The following RNGTT variants were observed in gnomAD, a reference collection of about 807,000 sequenced individuals.
The protein encoded by RNGTT is mRNA-capping enzyme.
RNGTT carries 33 observed loss-of-function variants against 79.3 expected under a neutral mutation model. The observed-to-expected ratio is 0.42, with a 90% CI of 0.32 to 0.56. The LOEUF (loss-of-function observed/expected upper bound fraction) is 0.56, where lower values mean the gene tolerates loss of function less well. Ranked by LOEUF, RNGTT falls within the 20% of genes least tolerant of loss-of-function variation. The probability of loss-of-function intolerance (pLI) is 0.17; values close to 1 mark genes in which losing one functional copy is unlikely to be tolerated. For missense variants in RNGTT, 497 were observed against 739.1 expected (o/e 0.67, Z 3.80); for synonymous variants, 222 against 235.9 (o/e 0.94, Z 0.54).
Position 88,758,929 on chromosome 6 carries a change from G to A in RNGTT, c.1439+10845C>T, listed in dbSNP as rs149667790. On this transcript the variant is annotated intron_variant, in intron 13 of 15. Transcript: ENST00000369485. The stretch of plus-strand genomic sequence containing the variant: ...GTTCTGGGGTACATGTGCACAATGT[G>A]CAGGTTTGTTACATATGTATACATG... Among the ~76,000 whole-genome samples, 5 of 152,146 alleles carry A rather than the reference G, an allele frequency of 3.3e-5. No individual in the cohort carries two copies. In the East Asian group the frequency reaches 9.6e-4, roughly 29 times the overall value.
chr6:88,934,942 AT>A (rs1297553041), intron 2 of RNGTT, among the ~76,000 whole-genome samples: 1 of 152,062 alleles, frequency 6.6e-6, no homozygotes, highest in African/African-American at 2.4e-5. Context: ...ATATCATCCC[AT>A]TTGTCTATTG....
chr6:88,824,703 G>A (rs561079430), intron 11 of RNGTT, among the ~76,000 whole-genome samples: 14 of 150,014 alleles, frequency 9.3e-5, no homozygotes, highest in South Asian at 2.1e-4. Context: ...TAAACAAGAC[G>A]CCAACAAAAA....
chr6:88,697,775 G>T (rs551701402), intron 13 of RNGTT, among the ~76,000 whole-genome samples: 1 of 150,754 alleles, frequency 6.6e-6, no homozygotes, highest in East Asian at 1.9e-4. Flanking sequence ...GGAGGCTGAG[G>T]TGGAAGGATA....
At chr6:88,917,724 T>C (rs1018028000) in intron 4 of RNGTT, among the ~76,000 whole-genome samples, 5 of 150,844 alleles carry the variant, frequency 3.3e-5, no homozygotes, top group East Asian at 4.0e-4. Context: ...TCATCTCTAC[T>C]AAAAATAGAA....
At chr6:88,637,877 T>C (rs1274643430) in intron 14 of RNGTT, among the ~76,000 whole-genome samples, 2 of 152,080 alleles carry the variant, frequency 1.3e-5, no homozygotes, top group Non-Finnish European at 2.9e-5. Context: ...CTCCATACAA[T>C]TCAAAAAGTA....
intron 12 of RNGTT, among the ~76,000 whole-genome samples, chr6:88,798,441 G>A (rs1335714716): frequency 6.6e-6 from 1 of 151,560 alleles, no homozygotes; most frequent in Non-Finnish European, 1.5e-5. Context: ...CACCAGCCTG[G>A]GCAACAAAGT....
intron 13 of RNGTT, among the ~76,000 whole-genome samples, chr6:88,762,095 A>G (rs1391841179): frequency 2.0e-5 from 3 of 152,170 alleles, no homozygotes; most frequent in Non-Finnish European, 2.9e-5. Flanking sequence ...TGCAGTCCGT[A>G]AGTTAAATGG....
At chr6:88,735,948 G>GA (rs1389520266) in intron 13 of RNGTT, among the ~76,000 whole-genome samples, 1 of 151,756 alleles carries the variant, frequency 6.6e-6, no homozygotes, top group Non-Finnish European at 1.5e-5. Context: ...TAATCAAGAA[G>GA]AAAAAAACAG....
At chr6:88,630,825 A>AT (rs1337350719) in intron 14 of RNGTT, among the ~76,000 whole-genome samples, 1 of 151,574 alleles carries the variant, frequency 6.6e-6, no homozygotes, top group Non-Finnish European at 1.5e-5. Context: ...TTGCTTAAAT[A>AT]TTTTTTTAGA....
chr6:88,672,230 CAT>C (rs776793913), intron 14 of RNGTT, among the ~76,000 whole-genome samples: 24 of 149,944 alleles, frequency 1.6e-4, no homozygotes, highest in Non-Finnish European at 1.9e-4. Flanking sequence ...CACACACACA[CAT>C]ATATATACAC....
rs1216376295 is a variant in RNGTT at position 88,707,485 on chromosome 6, T to TA, written c.1440-29067dup. Among the ~76,000 whole-genome samples the TA allele has an allele frequency of 6.6e-5, 10 of 152,174 alleles. No individual in the cohort carries two copies. The South Asian group carries it at 1.5e-3, about 22-fold the overall frequency. ...TGCTATCTAGAAAAGATGTGAACAC[T>TA]ATTACACTTGGTTCTTTGTGCTTTC... On this transcript the variant is annotated intron_variant, in intron 13 of 15. Transcript: ENST00000369485.
At chr6:88,955,707 A>G (rs1785404325) in intron 1 of RNGTT, among the ~76,000 whole-genome samples, 1 of 152,140 alleles carries the variant, frequency 6.6e-6, no homozygotes, top group Non-Finnish European at 1.5e-5. Flanking sequence ...AAACTGTAAC[A>G]AACAAACAAA....
intron 14 of RNGTT, among the ~76,000 whole-genome samples, chr6:88,638,966 T>C (rs1197852016): frequency 3.3e-5 from 5 of 152,276 alleles, no homozygotes; most frequent in Admixed American, 1.3e-4. Context: ...TATACGACTT[T>C]TGGTAATGTT....
In RNGTT at chr6:88,612,965, C is replaced by T; in HGVS notation, c.1631-83G>A. ...ACAGGCTTATGAGAAAGGTTTTCAT[C>T]CCAATATACTAAATACTTTCCATTT... On this transcript the variant is annotated intron_variant, in intron 15 of 15. Transcript: ENST00000369485. 2.4e-6 allele frequency: 3 copies of T among 1,238,210 alleles called. No homozygotes were observed. The East Asian group carries it at 7.5e-5, about 31-fold the overall frequency. The allele number at this position is 1,238,210 out of a possible 1,614,324, so 76.7% of individuals were successfully genotyped here.
chr6:88,662,119 T>G (rs1774209411), intron 14 of RNGTT, among the ~76,000 whole-genome samples: 1 of 152,194 alleles, frequency 6.6e-6, no homozygotes, highest in Non-Finnish European at 1.5e-5. Flanking sequence ...TCCTTGTGAT[T>G]ACAACCCTAG....
At chr6:88,829,089 A>T (rs1286326045) in intron 11 of RNGTT, among the ~76,000 whole-genome samples, 1 of 152,130 alleles carries the variant, frequency 6.6e-6, no homozygotes, top group African/African-American at 2.4e-5. Flanking sequence ...TAATCATCAG[A>T]TTCACCAAGG....
At position 88,648,441 on chromosome 6, in the gene RNGTT, T is replaced by C. The variant is rs539009282; in HGVS notation, c.1506+29912A>G. 4.0e-5 allele frequency among the ~76,000 whole-genome samples: 6 copies of C among 151,712 alleles called. No homozygotes were observed. The East Asian group carries it at 5.8e-4, about 15-fold the overall frequency. ...ATACATATGTAACAAACTTGCACAT[T>C]GTGCACATGTACCCTAAAACTTAAA... On this transcript the variant is annotated intron_variant, in intron 14 of 15. Coordinates refer to ENST00000369485, the MANE Select transcript of RNGTT (RefSeq NM_003800.5).
chr6:88,657,148 AG>A (rs1774009586), intron 14 of RNGTT, among the ~76,000 whole-genome samples: 1 of 152,210 alleles, frequency 6.6e-6, no homozygotes, highest in South Asian at 2.1e-4. Flanking sequence ...ACCCTTTGAA[AG>A]AAGTGGCTTG....
intron 13 of RNGTT, among the ~76,000 whole-genome samples, chr6:88,762,645 AG>A (rs369979169): frequency 4.5e-4 from 68 of 152,368 alleles, no homozygotes; most frequent in African/African-American, 1.6e-3. Context: ...CTGCCACAGT[AG>A]AATCTACAGA....
Sources: gnomAD v4.1 joint callset for allele counts (sites outside exome capture counted in the v4.1 genomes callset) on GRCh38, gnomAD v4.1.1 for gene constraint, MANE v1.5 for transcripts, NCBI Gene and HGNC (gene_info 2026-07-23, HGNC 2026-07-21) for gene names.